SHANK2: variants seen among roughly 807,000 people sequenced by gnomAD.
SHANK2 encodes SH3 and multiple ankyrin repeat domains protein 2.
Under a neutral mutation model 133.7 loss-of-function variants are expected in SHANK2, and 43 were observed. The ratio of observed to expected loss-of-function variants is 0.32; its 90% CI spans 0.25 to 0.41. SHANK2 has a LOEUF of 0.41. SHANK2 is among the 10% of genes least tolerant of loss of function. SHANK2 has a pLI of 1.00. For synonymous variants in SHANK2, 1,017 were observed against 952.8 expected, an observed-to-expected ratio of 1.07 and a Z score of -1.24; for missense variants, 1,994 against 2,235.8, an observed-to-expected ratio of 0.89 and a Z score of 2.18.
At chr11:71,241,422 C>T (rs1555124402) in intron 1 of SHANK2, among the ~76,000 whole-genome samples, 2 of 152,136 alleles carry the variant, frequency 1.3e-5, no homozygotes, top group African/African-American at 4.8e-5. Flanking sequence ...ACACAGGCGA[C>T]CCAAGGCCCC....
At chr11:70,789,933 T>C (rs1947752893) in intron 14 of SHANK2, among the ~76,000 whole-genome samples, 1 of 152,250 alleles carries the variant, frequency 6.6e-6, no homozygotes, top group African/African-American at 2.4e-5. Flanking sequence ...TTTGCTCTGG[T>C]GCTGCTTGGC....
At chr11:70,745,021 C>T (rs189919608) in intron 14 of SHANK2, among the ~76,000 whole-genome samples, 24 of 152,330 alleles carry the variant, frequency 1.6e-4, no homozygotes, top group Admixed American at 7.2e-4. Context: ...CCAGCATCTG[C>T]GGCAGCACCA....
At chr11:70,649,885 G>A (rs1158728855) in intron 17 of SHANK2, among the ~76,000 whole-genome samples, 1 of 152,218 alleles carries the variant, frequency 6.6e-6, no homozygotes, top group Non-Finnish European at 1.5e-5. Flanking sequence ...AACAAGCTTT[G>A]GAGTCAGCTT....
chr11:70,664,791 T>A (rs1441971205), intron 15 of SHANK2, among the ~76,000 whole-genome samples: 1 of 152,228 alleles, frequency 6.6e-6, no homozygotes, highest in Non-Finnish European at 1.5e-5. Context: ...GGCATTCCAG[T>A]GTGGCTGGTG....
intron 14 of SHANK2, among the ~76,000 whole-genome samples, chr11:70,708,965 C>T (rs185785546): frequency 5.0e-4 from 76 of 152,318 alleles, no homozygotes; most frequent in Non-Finnish European, 9.0e-4. Flanking sequence ...AATCCCAGCA[C>T]TTTGGGAGGC....
At chr11:70,553,080 T>C (rs1385243581) in intron 17 of SHANK2, among the ~76,000 whole-genome samples, 17 of 152,102 alleles carry the variant, frequency 1.1e-4, no homozygotes, top group African/African-American at 4.1e-4. Flanking sequence ...AATGGCCTCA[T>C]TTGACTTTAA....
chr11:70,504,674 A>G (rs534070147), intron 17 of SHANK2, among the ~76,000 whole-genome samples: 2 of 152,316 alleles, frequency 1.3e-5, no homozygotes, highest in Admixed American at 1.3e-4. Context: ...CTACAGCGGC[A>G]GCGGTCTTTG....
intron 14 of SHANK2, among the ~76,000 whole-genome samples, chr11:70,736,401 T>C (rs1946403753): frequency 6.6e-6 from 1 of 152,092 alleles, no homozygotes; most frequent in Non-Finnish European, 1.5e-5. Flanking sequence ...GAGTTAAGGA[T>C]CTTGGGATGA....
intron 2 of SHANK2, among the ~76,000 whole-genome samples, chr11:71,203,429 T>C (rs1417045158): frequency 6.6e-6 from 1 of 152,158 alleles, no homozygotes; most frequent in Non-Finnish European, 1.5e-5. Context: ...ATTTTAATAC[T>C]GTAGTGCAAT....
chr11:70,584,580 A>T (rs1478645722), intron 17 of SHANK2, among the ~76,000 whole-genome samples: 1 of 152,144 alleles, frequency 6.6e-6, no homozygotes, highest in Non-Finnish European at 1.5e-5. Flanking sequence ...GAGCTCTGAA[A>T]TGATTCCAGC....
intron 11 of SHANK2, among the ~76,000 whole-genome samples, chr11:70,851,742 T>C (rs1295164157): frequency 6.6e-6 from 1 of 152,226 alleles, no homozygotes; most frequent in Non-Finnish European, 1.5e-5. Flanking sequence ...TATTAGAGGC[T>C]AGCAATGCCA....
At chr11:70,726,167 C>G (rs538876252) in intron 14 of SHANK2, among the ~76,000 whole-genome samples, 58 of 152,292 alleles carry the variant, frequency 3.8e-4, no homozygotes, top group Non-Finnish European at 7.2e-4. Flanking sequence ...TCAGTGAAAT[C>G]TTACCCGGAA....
intron 17 of SHANK2, among the ~76,000 whole-genome samples, chr11:70,538,839 G>T (rs1245490602): frequency 6.6e-6 from 1 of 152,196 alleles, no homozygotes; most frequent in Non-Finnish European, 1.5e-5. Flanking sequence ...AGGGCTGAGT[G>T]TTGGGGGCAG....
intron 14 of SHANK2, among the ~76,000 whole-genome samples, chr11:70,782,213 C>T (rs1314525871): frequency 2.0e-5 from 3 of 152,178 alleles, no homozygotes; most frequent in Admixed American, 6.5e-5. Context: ...TACAGGTGCC[C>T]GCTACCAAGC....
At position 70,542,781 on chromosome 11, in the gene SHANK2, G is replaced by T. The variant is rs141856942; in HGVS notation, c.2062-39850C>A. Among the ~76,000 whole-genome samples, 35 of 152,332 alleles carry T rather than the reference G, an allele frequency of 2.3e-4. No homozygotes were observed. In the East Asian group the frequency reaches 6.6e-3, roughly 29 times the overall value. On this transcript the variant is annotated intron_variant, in intron 17 of 25. Coordinates refer to ENST00000601538, the MANE Select transcript of SHANK2 (RefSeq NM_012309.5). Reference sequence around the variant, plus strand: ...AGACAACCTGATCACGCAGCTTCCTGCCTGTACCCTGGCGGGGTTTCCAAT... The same window carrying T: ...AGACAACCTGATCACGCAGCTTCCTTCCTGTACCCTGGCGGGGTTTCCAAT...
chr11:70,942,679 A>C, intron 10 of SHANK2: 1 of 456,912 alleles, frequency 2.2e-6, no homozygotes, highest in Non-Finnish European at 4.4e-6. Context: ...TCAGGGACAG[A>C]TACTTCTTCA....
intron 2 of SHANK2, among the ~76,000 whole-genome samples, chr11:71,211,071 C>T (rs1287640635): frequency 2.6e-5 from 4 of 152,122 alleles, no homozygotes; most frequent in Non-Finnish European, 4.4e-5. Context: ...CCTAATTGCT[C>T]CCCTTACCAA....
intron 15 of SHANK2, among the ~76,000 whole-genome samples, chr11:70,678,289 T>C (rs750557047): frequency 2.5e-4 from 38 of 151,894 alleles, no homozygotes; most frequent in Admixed American, 1.2e-3. Flanking sequence ...AATACAGGCA[T>C]GCGCCACCAG....
chr11:70,521,041 A>G (rs2059323944), intron 17 of SHANK2, among the ~76,000 whole-genome samples: 1 of 152,204 alleles, frequency 6.6e-6, no homozygotes, highest in Non-Finnish European at 1.5e-5. Flanking sequence ...ATCACATGTG[A>G]CTTTGTGTCT....
Sources: gnomAD v4.1 joint callset for allele counts (sites outside exome capture counted in the v4.1 genomes callset) on GRCh38, gnomAD v4.1.1 for gene constraint, MANE v1.5 for transcripts, NCBI Gene and HGNC (gene_info 2026-07-23, HGNC 2026-07-21) for gene names.